The following RNF170 variants were observed in gnomAD, a reference collection of about 807,000 sequenced individuals.
RNF170 encodes ring finger protein 170.
In RNF170, 12 loss-of-function variants were observed where a neutral mutation model predicts 32.7. The ratio of observed to expected loss-of-function variants is 0.37; its 90% CI spans 0.24 to 0.60. The LOEUF is 0.60. RNF170 is among the 20% of genes least tolerant of loss of function. The pLI is 0.72. For synonymous variants in RNF170, 91 were observed against 103.6 expected (o/e 0.88, Z 0.74); for missense variants, 212 against 311.2 (o/e 0.68, Z 2.40).
chr8:42,865,504 AAAAC>A lies in RNF170; in HGVS notation c.323-19_323-16del, dbSNP rs1804017747. 1 of 1,590,116 alleles carries A rather than the reference AAAAC, an allele frequency of 6.3e-7. No homozygotes were observed. The highest frequency in any genetic ancestry group is 8.6e-7 in the Non-Finnish European group (1 of 1,158,328). On this transcript the variant is annotated splice_polypyrimidine_tract_variant and intron_variant, in intron 4 of 6. Coordinates refer to ENST00000527424, the MANE Select transcript of RNF170 (RefSeq NM_030954.4). Reference sequence around the variant, plus strand: ...AATGCAGGCACCTAATAGACAAAACAAAACAAACACATAACCCATTAATATTGAT... The same window carrying A: ...AATGCAGGCACCTAATAGACAAAACAAAACACATAACCCATTAATATTGAT...
In RNF170 at chr8:42,855,503, G is replaced by T. The variant is rs764741877; in HGVS notation, c.*656C>A. ...TAGGATTACAGGCGTGAGCCACCCC[G>T]CCCGGCCATGTTTTTCATCTTAATT... On this transcript the variant is annotated 3_prime_UTR_variant, in exon 7 of 7. Coordinates refer to ENST00000527424, the MANE Select transcript of RNF170 (RefSeq NM_030954.4). 3.9e-6 allele frequency: 5 copies of T among 1,271,940 alleles called. No homozygotes were observed. Among genetic ancestry groups the T allele is most frequent in the Non-Finnish European group, 5.1e-6 (5 of 974,812 alleles). The allele number at this position is 1,271,940 out of a possible 1,614,324, so 78.8% of individuals were successfully genotyped here. A position where few individuals can be genotyped will look rare whatever the true frequency, so the allele number is the denominator to read the frequency against.
intron 1 of RNF170, among the ~76,000 whole-genome samples, chr8:42,894,761 C>G (rs897001504): frequency 1.3e-5 from 2 of 152,090 alleles, no homozygotes; most frequent in Non-Finnish European, 1.5e-5. Context: ...GACGGGGTTT[C>G]ACCATGTTGG....
Position 42,855,926 on chromosome 8 carries a change from A to AACTGT in RNF170, c.*232_*233insACAGT. The AACTGT allele has an allele frequency of 7.7e-7, 1 of 1,303,458 alleles. No homozygotes were observed. Among genetic ancestry groups the AACTGT allele is most frequent in the Non-Finnish European group, 1.0e-6 (1 of 988,600 alleles). 80.7% of individuals were successfully genotyped at this position (1,303,458 alleles called of 1,614,324 possible). ...TATTTTTTCCAGACAACATAGAATCAAGATACAACTGTAGATCATTATAAT... is the reference window on the plus strand; with the variant it reads ...TATTTTTTCCAGACAACATAGAATCAACTGTAGATACAACTGTAGATCATTATAAT... On this transcript the variant is annotated 3_prime_UTR_variant, in exon 7 of 7. Coordinates refer to ENST00000527424, the MANE Select transcript of RNF170 (RefSeq NM_030954.4).
At chr8:42,869,231 T>C (rs1243016105) in intron 4 of RNF170, among the ~76,000 whole-genome samples, 1 of 152,148 alleles carries the variant, frequency 6.6e-6, no homozygotes, top group East Asian at 1.9e-4. Context: ...TTTCTTCACA[T>C]CTCTAAAGCC....
At chr8:42,893,083 A>G (rs990498998) in intron 1 of RNF170, among the ~76,000 whole-genome samples, 5 of 152,076 alleles carry the variant, frequency 3.3e-5, no homozygotes, top group Non-Finnish European at 5.9e-5. Context: ...TACATCTATA[A>G]AAATTAAAAA....
rs1427869782 is a variant in RNF170 at position 42,855,871 on chromosome 8, T to G, written c.*288A>C. The G allele has an allele frequency of 4.2e-6, 5 of 1,198,300 alleles. No homozygotes were observed. The highest frequency in any genetic ancestry group is 5.4e-6 in the Non-Finnish European group (5 of 920,540). The allele number at this position is 1,198,300 out of a possible 1,614,324, so 74.2% of individuals were successfully genotyped here. A position where few individuals can be genotyped will look rare whatever the true frequency, so the allele number is the denominator to read the frequency against. Reference sequence around the variant, plus strand: ...AGTAATTCTGGGGAAAAGAAAAATATATAAAAGCATCCCTTTTTATATAAT... The same window carrying G: ...AGTAATTCTGGGGAAAAGAAAAATAGATAAAAGCATCCCTTTTTATATAAT... On this transcript the variant is annotated 3_prime_UTR_variant, in exon 7 of 7. Transcript: ENST00000527424.
chr8:42,850,921 G>A, downstream of RNF170: 1 of 1,551,698 alleles, frequency 6.4e-7, no homozygotes, highest in Non-Finnish European at 8.7e-7. Context: ...ACAGGCAGGA[G>A]AGTTCTGTGT....
chr8:42,865,484 A>G lies in RNF170; in HGVS notation c.328T>C (p.Cys110Arg). ...TNCGHLFCGA[C>R]IIAYWRYGSW... ...CCATATCGCCAGTAAGCAATAATGC[A>G]GGCACCTAATAGACAAAACAAAACA... Residue 110 changes from cysteine to arginine, a missense_variant, in exon 5 of 7, where the codon TGC becomes CGC. Physicochemically the swap from Cys to Arg is radical, Grantham distance 180. Transcript: ENST00000527424. 1.2e-6 allele frequency: 2 copies of G among 1,612,626 alleles called. No homozygotes were observed. The highest frequency in any genetic ancestry group is 1.7e-6 in the Non-Finnish European group (2 of 1,178,756).
At chr8:42,897,297 T>A, upstream of RNF170, 3 of 479,784 alleles carry the variant, frequency 6.3e-6, no homozygotes, top group Non-Finnish European at 9.0e-6. Flanking sequence ...TGCCGTCACA[T>A]CCGGGGCCTG....
chr8:42,887,983 G>T, intron 1 of RNF170, 112 bp from the exon 2 acceptor site: 1 of 990,218 alleles, frequency 1.0e-6, no homozygotes, highest in Non-Finnish European at 1.5e-6. Context: ...TTTCTGATAG[G>T]CTGCAATTAA....
chr8:42,896,620 G>C (rs1433931656), upstream of RNF170: 2 of 453,356 alleles, frequency 4.4e-6, no homozygotes, highest in Non-Finnish European at 8.8e-6. Flanking sequence ...GCGGGCGCAC[G>C]CGCACTGCCG....
intron 2 of RNF170, among the ~76,000 whole-genome samples, chr8:42,883,219 T>C (rs901766095): frequency 6.6e-5 from 10 of 152,032 alleles, no homozygotes; most frequent in Middle Eastern, 3.2e-3. Context: ...ATTTGGGTGA[T>C]GGGTTCACTA....
chr8:42,851,737 C>G (rs770035286), downstream of RNF170, among the ~76,000 whole-genome samples: 2 of 87,908 alleles, frequency 2.3e-5, no homozygotes, highest in Non-Finnish European at 4.5e-5. Context: ...CTTCTGGGCC[C>G]AAGTGATCCT....
chr8:42,894,120 T>C (rs1188886737), intron 1 of RNF170, among the ~76,000 whole-genome samples: 1 of 152,250 alleles, frequency 6.6e-6, no homozygotes, highest in Non-Finnish European at 1.5e-5. Flanking sequence ...GCTTCTGCAA[T>C]TACTCACATC....
chr8:42,891,177 T>TA (rs772683561), intron 1 of RNF170, among the ~76,000 whole-genome samples: 2 of 152,144 alleles, frequency 1.3e-5, no homozygotes, highest in Non-Finnish European at 2.9e-5. Flanking sequence ...TAGTTCCAAT[T>TA]CTGTTACAAC....
At chr8:42,892,532 T>C (rs1165993894) in intron 1 of RNF170, among the ~76,000 whole-genome samples, 2 of 152,188 alleles carry the variant, frequency 1.3e-5, no homozygotes, top group African/African-American at 2.4e-5. Flanking sequence ...AGTTTTAGAA[T>C]ATGTAGATAC....
chr8:42,886,018 T>A (rs1475392693), intron 2 of RNF170, among the ~76,000 whole-genome samples: 1 of 151,700 alleles, frequency 6.6e-6, no homozygotes, highest in Non-Finnish European at 1.5e-5. Context: ...AGGTCAGGAG[T>A]TCGAGACCAT....
At chr8:42,889,169 T>G (rs1207642501) in intron 1 of RNF170, 1 of 152,206 alleles carries the variant, frequency 6.6e-6, no homozygotes, top group Non-Finnish European at 1.5e-5. Context: ...GAAACTAAGC[T>G]CAGCTTATGG....
intron 4 of RNF170, among the ~76,000 whole-genome samples, chr8:42,868,531 G>C (rs1440611881): frequency 6.6e-6 from 1 of 152,136 alleles, no homozygotes; most frequent in African/African-American, 2.4e-5. Context: ...CTGAGCACAG[G>C]GATTGAAGAT....
Sources: allele counts gnomAD v4.1 joint callset (sites outside exome capture counted in the v4.1 genomes callset), GRCh38; gene constraint gnomAD v4.1.1; transcripts MANE v1.5; gene names NCBI Gene and HGNC (gene_info 2026-07-23, HGNC 2026-07-21).